Variants in GLG1 observed in about 807,000 individuals in gnomAD.
GLG1 encodes the protein Golgi apparatus protein 1.
In GLG1, 38 loss-of-function variants were observed where a neutral mutation model predicts 160.5. The observed-to-expected ratio is 0.24, with a 90% CI of 0.18 to 0.31. GLG1 has a LOEUF of 0.31. Ranked by LOEUF, GLG1 falls within the 10% of genes least tolerant of loss-of-function variation. GLG1 has a pLI of 1.00. For missense variants in GLG1, 1,373 were observed against 1,505.2 expected, an observed-to-expected ratio of 0.91 and a Z score of 1.45; for synonymous variants, 644 against 543.4, an observed-to-expected ratio of 1.19 and a Z score of -2.57.
At position 74,606,814 on chromosome 16, in the gene GLG1, G is replaced by T. The variant is rs1008502647; in HGVS notation, c.281C>A (p.Ala94Glu). ...TCCCCGCCGGGCCGGAGGCCCACCC[G>T]CCGGGAAAGGCGGCTGCGGCGGCTG... ...QPQPPQPPFP[A>E]GGPPARRGGA... The change falls in exon 1 of 26, where the codon GCG becomes GAG. Residue 94 changes from alanine to glutamate, a missense_variant. This residue lies in a region of GLG1 where 322 missense variants were observed against 254.6 expected (regional missense o/e 1.26). Coordinates refer to ENST00000422840, the MANE Select transcript of GLG1 (RefSeq NM_001145667.2). 6.9e-6 allele frequency: 11 copies of T among 1,601,924 alleles called. No individual in the cohort carries two copies. In the Admixed American group the frequency reaches 1.0e-4, roughly 15 times the overall value.
At chr16:74,545,184 A>G (rs1278913561) in intron 1 of GLG1, among the ~76,000 whole-genome samples, 1 of 152,028 alleles carries the variant, frequency 6.6e-6, no homozygotes, top group East Asian at 1.9e-4. Context: ...TCCACCAAGT[A>G]TTCTTGTTTT....
At chr16:74,540,740 C>G (rs1191643793) in intron 1 of GLG1, among the ~76,000 whole-genome samples, 34 of 151,634 alleles carry the variant, frequency 2.2e-4, no homozygotes, top group Non-Finnish European at 1.5e-4. Flanking sequence ...GGGAAGGAAA[C>G]AGAGTCAGGC....
intron 1 of GLG1, among the ~76,000 whole-genome samples, chr16:74,600,012 T>C (rs779764602): frequency 1.4e-4 from 21 of 151,856 alleles, no homozygotes; most frequent in Non-Finnish European, 2.8e-4. Context: ...CCAGCCTGGG[T>C]GACAGTGCGA....
intron 1 of GLG1, among the ~76,000 whole-genome samples, chr16:74,541,713 G>A (rs1318296244): frequency 1.3e-5 from 2 of 152,080 alleles, no homozygotes; most frequent in Non-Finnish European, 2.9e-5. Flanking sequence ...AAACGTTACT[G>A]CTATCCAAGA....
At chr16:74,536,634 C>A (rs2017695409) in intron 1 of GLG1, among the ~76,000 whole-genome samples, 1 of 152,074 alleles carries the variant, frequency 6.6e-6, no homozygotes, top group African/African-American at 2.4e-5. Context: ...TACATGATCC[C>A]TTGGGGGTCA....
chr16:74,495,401 G>A (rs928854435), intron 5 of GLG1, among the ~76,000 whole-genome samples: 5 of 152,106 alleles, frequency 3.3e-5, no homozygotes, highest in African/African-American at 7.2e-5. Context: ...GGCGTGAGCC[G>A]CCGCACCCAG....
chr16:74,524,841 C>T (rs950603561), intron 2 of GLG1, among the ~76,000 whole-genome samples: 7 of 152,138 alleles, frequency 4.6e-5, no homozygotes, highest in Admixed American at 2.6e-4. Context: ...AAAAGAAACT[C>T]TGTATCTATT....
chr16:74,540,035 T>A (rs61385313), intron 1 of GLG1, among the ~76,000 whole-genome samples: 283 of 6,406 alleles, frequency 0.044, 119 homozygotes, highest in African/African-American at 0.058. Flanking sequence ...TTATATATAT[T>A]TTATATATAT....
chr16:74,498,582 T>C (rs1350760754), intron 4 of GLG1, among the ~76,000 whole-genome samples: 1 of 146,862 alleles, frequency 6.8e-6, no homozygotes, highest in African/African-American at 2.5e-5. Flanking sequence ...AAAAAGATTC[T>C]GGCCAGGCGT....
intron 1 of GLG1, among the ~76,000 whole-genome samples, chr16:74,550,933 A>G (rs1374344002): frequency 6.6e-6 from 1 of 152,196 alleles, no homozygotes; most frequent in Non-Finnish European, 1.5e-5. Context: ...AATTTTGTAC[A>G]ATAACACACC....
intron 2 of GLG1, among the ~76,000 whole-genome samples, chr16:74,520,014 G>A (rs1282308404): frequency 6.6e-6 from 1 of 152,054 alleles, no homozygotes; most frequent in Non-Finnish European, 1.5e-5. Flanking sequence ...ACGACTTTTA[G>A]TTTGCTCTAT....
rs1491206560 is a variant in GLG1 at position 74,498,468 on chromosome 16, T to TATATACATATATATATATATATA, written c.775-1825_775-1824insTATATATATATATATATGTATAT. On this transcript the variant is annotated intron_variant, in intron 4 of 25. Transcript: ENST00000422840. ...AAAAAGTATATATATATATATATAT[T>TATATACATATATATATATATATA]ATATTTTATATATATATTTTATATA... Among the ~76,000 whole-genome samples the TATATACATATATATATATATATA allele has an allele frequency of 1.3e-4, 4 of 29,666 alleles. 1 individual carries two copies. In the Admixed American group the frequency reaches 1.6e-3, roughly 12 times the overall value. 19.5% of individuals were successfully genotyped at this position (29,666 alleles called of 152,430 possible). A position where few individuals can be genotyped will look rare whatever the true frequency, so the allele number is the denominator to read the frequency against.
chr16:74,538,954 G>A (rs971018102), intron 1 of GLG1, among the ~76,000 whole-genome samples: 129 of 151,898 alleles, frequency 8.5e-4, no homozygotes, highest in African/African-American at 2.9e-3. Flanking sequence ...TCTTATAGGC[G>A]GTTGTGGTTT....
chr16:74,595,373 T>C (rs534687943), intron 1 of GLG1, among the ~76,000 whole-genome samples: 3 of 151,076 alleles, frequency 2.0e-5, no homozygotes, highest in South Asian at 2.1e-4. Context: ...TGGTCTCTAC[T>C]AAACATACAA....
At chr16:74,567,546 T>G (rs1412409068) in intron 1 of GLG1, among the ~76,000 whole-genome samples, 3 of 145,920 alleles carry the variant, frequency 2.1e-5, no homozygotes, top group Non-Finnish European at 1.5e-5. Context: ...CTATATATGG[T>G]GCACTTTCTT....
At chr16:74,478,908 A>AG (rs35079724) in intron 11 of GLG1, among the ~76,000 whole-genome samples, 5 of 123,408 alleles carry the variant, frequency 4.1e-5, no homozygotes, top group African/African-American at 1.3e-4. Context: ...AAAAAAAAAA[A>AG]GGGGGGGGTT....
intron 11 of GLG1, among the ~76,000 whole-genome samples, chr16:74,478,915 G>C (rs897058661): frequency 2.9e-5 from 4 of 139,888 alleles, no homozygotes; most frequent in African/African-American, 5.4e-5. Flanking sequence ...AAAAGGGGGG[G>C]GTTATTTTGG....
chr16:74,591,903 CAG>C (rs1567545158), intron 1 of GLG1, among the ~76,000 whole-genome samples: 2 of 152,140 alleles, frequency 1.3e-5, no homozygotes, highest in Admixed American at 1.3e-4. Context: ...TACGTGGGAG[CAG>C]AGTTTTCCTT....
chr16:74,500,549 G>A (rs2016368970), intron 4 of GLG1, among the ~76,000 whole-genome samples: 1 of 150,772 alleles, frequency 6.6e-6, no homozygotes, highest in South Asian at 2.1e-4. Flanking sequence ...TTTTATCTCT[G>A]CTATAAACCA....
Sources: allele counts gnomAD v4.1 joint callset (sites outside exome capture counted in the v4.1 genomes callset), GRCh38; gene constraint gnomAD v4.1.1; regional missense constraint gnomAD v4.1.1; transcripts MANE v1.5; gene names NCBI Gene and HGNC (gene_info 2026-07-23, HGNC 2026-07-21).